The following KANK1 variants were observed in gnomAD, a reference collection of about 807,000 sequenced individuals.
The protein encoded by KANK1 is KN motif and ankyrin repeat domain-containing protein 1.
In KANK1, 109 loss-of-function variants were observed where a neutral mutation model predicts 106.2. The observed-to-expected ratio is 1.03, with a 90% CI of 0.88 to 1.20. The LOEUF (loss-of-function observed/expected upper bound fraction) is 1.20. Ranked by LOEUF, KANK1 falls within the 50% of genes most tolerant of loss-of-function variation. KANK1 has a pLI of 0.00. For synonymous variants in KANK1, 873 were observed against 652.2 expected (o/e 1.34, Z -5.16); for missense variants, 2,399 against 1,710.7 (o/e 1.40, Z -7.10).
rs746523834 is a variant in KANK1 at position 712,931 on chromosome 9, G to C, written c.2165G>C (p.Gly722Ala). 6.2e-7 allele frequency: 1 copy of C among 1,614,158 alleles called. No homozygotes were observed. The highest frequency in any genetic ancestry group is 8.5e-7 in the Non-Finnish European group (1 of 1,180,040). The change falls in exon 3 of 12, where the codon GGC becomes GCC. Residue 722 changes from glycine to alanine, a missense_variant. Coordinates refer to ENST00000382297, the MANE Select transcript of KANK1 (RefSeq NM_015158.5). ...VETRTVAVGE[G>A]RVKDINSSTK... is the part of the protein sequence containing the mutation. ...ACGCGGACAGTAGCTGTAGGAGAAG[G>C]CCGTGTCAAGGACATCAACTCCTCC...
At chr9:613,783 G>C (rs1037969570) in intron 1 of KANK1, among the ~76,000 whole-genome samples, 1 of 151,666 alleles carries the variant, frequency 6.6e-6, no homozygotes, top group South Asian at 2.1e-4. Context: ...CTTAAGTTTT[G>C]TGACTTTCTG....
At chr9:540,679 C>G (rs1162296430) in intron 1 of KANK1, 1 of 152,188 alleles carries the variant, frequency 6.6e-6, no homozygotes, top group African/African-American at 2.4e-5. Context: ...TTTGTGATTT[C>G]TGATTCAATC....
At position 712,701 on chromosome 9, in the gene KANK1, C is replaced by T. The variant is rs939073049; in HGVS notation, c.1935C>T (p.Cys645=). 29 of 1,613,826 alleles carry T rather than the reference C, an allele frequency of 1.8e-5. 1 individual carries two copies. In the East Asian group the frequency reaches 5.8e-4, roughly 32 times the overall value. The change falls in exon 3 of 12, where the codon TGC becomes TGT. Residue 645 remains cysteine (C), a synonymous_variant. Transcript: ENST00000382297. ...TGACCGTCTGCTCTCCAAAGGAGTG[C>T]GCCTCCCGGGGCGTGAACACTGAGG... is the stretch of plus-strand genomic sequence containing the variant. ...VDVTVCSPKE[C]ASRGVNTEAV... is the part of the protein sequence containing the mutation.
intron 1 of KANK1, among the ~76,000 whole-genome samples, chr9:541,163 G>C (rs1409341604): frequency 6.6e-6 from 1 of 152,032 alleles, no homozygotes; most frequent in East Asian, 1.9e-4. Flanking sequence ...GAGGCATCAT[G>C]CTACTTGACT....
rs374738817 is a variant in KANK1, at chr9:475,684, T to C, written c.-362+2411T>C. ...ATTACATGACAAAATCAAAATATTTTATCCCATAACATGTCTCTTTGGCAT... is the reference window on the plus strand; with the variant it reads ...ATTACATGACAAAATCAAAATATTTCATCCCATAACATGTCTCTTTGGCAT... On this transcript the variant is annotated intron_variant, in intron 3 of 15. Coordinates refer to the KANK1 transcript ENST00000382303. Among the ~76,000 whole-genome samples the C allele has an allele frequency of 8.5e-5, 13 of 152,320 alleles. No homozygotes were observed. The East Asian group carries it at 1.4e-3, about 16-fold the overall frequency.
chr9:710,820 T>A lies in KANK1; in HGVS notation c.54T>A (p.Ile18=), dbSNP rs2130894173. ...NGSASGKAGD[I]LSGDQDKEQK... Reference sequence around the variant, plus strand: ...CTCTTCTAGGAAAAGCAGGTGATATTCTCAGTGGAGACCAGGACAAGGAAC... The same window carrying A: ...CTCTTCTAGGAAAAGCAGGTGATATACTCAGTGGAGACCAGGACAAGGAAC... Residue 18 remains isoleucine (I), a synonymous_variant, in exon 3 of 12, where the codon ATT becomes ATA. Transcript: ENST00000382297. 1 of 1,597,606 alleles carries A rather than the reference T, an allele frequency of 6.3e-7. No individual in the cohort carries two copies. The highest frequency in any genetic ancestry group is 1.1e-5 in the South Asian group (1 of 88,034).
intron 1 of KANK1, among the ~76,000 whole-genome samples, chr9:544,019 TTTTA>T (rs767537532): frequency 5.9e-5 from 9 of 151,904 alleles, no homozygotes; most frequent in Non-Finnish European, 1.2e-4. Flanking sequence ...TTTTATTTTA[TTTTA>T]TTATTTTATT....
chr9:564,286 C>T (rs954488809), intron 1 of KANK1, among the ~76,000 whole-genome samples: 1 of 151,884 alleles, frequency 6.6e-6, no homozygotes, highest in African/African-American at 2.4e-5. Flanking sequence ...TGGTCTTGAC[C>T]TCCTGACCTC....
chr9:514,199 C>CCTCCCTCT (rs1380492696), intron 1 of KANK1, among the ~76,000 whole-genome samples: 2 of 87,496 alleles, frequency 2.3e-5, no homozygotes, highest in Non-Finnish European at 4.0e-5. Context: ...TCCCTTCCTC[C>CCTCCCTCT]CTCCCTCTCT....
rs551903512 is a variant in KANK1 at position 554,365 on chromosome 9, C to T, written c.-84+49611C>T. Reference sequence around the variant, plus strand: ...AAGCAGAGAGCAAGTATTTGCCTTTCCTCTCCCTTTTTGTTCTATTCTGGC... The same window carrying T: ...AAGCAGAGAGCAAGTATTTGCCTTTTCTCTCCCTTTTTGTTCTATTCTGGC... On this transcript the variant is annotated intron_variant, in intron 1 of 11. Transcript: ENST00000382297. Among the ~76,000 whole-genome samples the T allele has an allele frequency of 1.2e-3, 179 of 152,294 alleles. 1 individual carries two copies. Among genetic ancestry groups the T allele is most frequent in the Non-Finnish European group, 2.0e-3 (133 of 68,032 alleles).
intron 1 of KANK1, among the ~76,000 whole-genome samples, chr9:656,578 C>G (rs964622614): frequency 2.0e-5 from 3 of 152,086 alleles, no homozygotes; most frequent in Non-Finnish European, 4.4e-5. Flanking sequence ...CTTTTTCAGT[C>G]ATTTCCCATT....
chr9:715,161 T>C (rs1827342334), intron 3 of KANK1, among the ~76,000 whole-genome samples: 1 of 152,190 alleles, frequency 6.6e-6, no homozygotes. Context: ...AAAATGAATA[T>C]GACAGCTCAT....
intron 1 of KANK1, among the ~76,000 whole-genome samples, chr9:642,464 A>G (rs1259588229): frequency 6.6e-6 from 1 of 151,038 alleles, no homozygotes; most frequent in Non-Finnish European, 1.5e-5. Flanking sequence ...CTTAGCTGGC[A>G]GGCCTGGTTT....
At chr9:671,265 TATTTG>T (rs148902545) in intron 1 of KANK1, among the ~76,000 whole-genome samples, 1 of 152,006 alleles carries the variant, frequency 6.6e-6, no homozygotes, top group East Asian at 1.9e-4. Context: ...GTTTTGGAAG[TATTTG>T]ATTTTTTGAA....
intron 2 of KANK1, among the ~76,000 whole-genome samples, chr9:708,415 G>C (rs1824922649): frequency 6.6e-6 from 1 of 152,218 alleles, no homozygotes; most frequent in African/African-American, 2.4e-5. Context: ...CTCCCGACCA[G>C]CCCTCCCATT....
At chr9:629,114 C>G (rs916058077) in intron 1 of KANK1, among the ~76,000 whole-genome samples, 3 of 151,540 alleles carry the variant, frequency 2.0e-5, no homozygotes, top group Admixed American at 6.6e-5. Context: ...GCATGCTTTT[C>G]CTTTCTCTGT....
chr9:729,998 C>A, intron 3 of KANK1, 53 bp from the exon 4 acceptor site: 1 of 1,489,938 alleles, frequency 6.7e-7, no homozygotes, highest in Admixed American at 2.0e-5. Context: ...TTGTTGAAGC[C>A]TGCTTTTTCA....
At chr9:732,868 T>C (rs1832699092) in intron 6 of KANK1, 1 of 323,306 alleles carries the variant, frequency 3.1e-6, no homozygotes, top group African/African-American at 2.1e-5. Flanking sequence ...ATTTAACATA[T>C]GGAACCACAA....
intron 1 of KANK1, among the ~76,000 whole-genome samples, chr9:541,945 C>T (rs1372062395): frequency 1.3e-5 from 2 of 151,104 alleles, no homozygotes; most frequent in Admixed American, 6.6e-5. Flanking sequence ...AAAAATTAGC[C>T]GGGCGTGGTA....
Sources: gnomAD v4.1 joint callset for allele counts (sites outside exome capture counted in the v4.1 genomes callset) on GRCh38, gnomAD v4.1.1 for gene constraint, MANE v1.5 for transcripts, NCBI Gene and HGNC (gene_info 2026-07-23, HGNC 2026-07-21) for gene names.